The following DNAH14 variants were observed in gnomAD, a reference collection of about 807,000 sequenced individuals.
DNAH14 encodes dynein axonemal heavy chain 14.
A neutral mutation model predicts 520.9 loss-of-function variants in DNAH14; 478 were observed. The observed-to-expected ratio is 0.92, with a 90% CI of 0.85 to 0.99. The LOEUF (loss-of-function observed/expected upper bound fraction) is 0.99, where lower values mean the gene tolerates loss of function less well. Among genes scored for constraint, DNAH14 ranks in the 50% least tolerant of loss-of-function variants. The pLI is 0.00. For synonymous variants in DNAH14, 1,581 were observed against 1,757.2 expected (o/e 0.90, Z 2.51); for missense variants, 4,831 against 5,234.5 (o/e 0.92, Z 2.38).
At chr1:224,999,366 C>T (rs1281061589) in intron 8 of DNAH14, among the ~76,000 whole-genome samples, 4 of 151,952 alleles carry the variant, frequency 2.6e-5, no homozygotes, top group African/African-American at 9.7e-5. Flanking sequence ...ACCACCATGC[C>T]CGGCTAATTT....
intron 11 of DNAH14, among the ~76,000 whole-genome samples, chr1:225,025,977 G>A (rs2066084613): frequency 6.6e-6 from 1 of 151,816 alleles, no homozygotes; most frequent in Admixed American, 6.6e-5. Context: ...CAAACTCTTT[G>A]TTCATTTTTA....
intron 37 of DNAH14, among the ~76,000 whole-genome samples, chr1:225,191,478 G>T (rs2085431226): frequency 6.6e-6 from 1 of 151,898 alleles, no homozygotes; most frequent in Non-Finnish European, 1.5e-5. Flanking sequence ...CCTCTCTCCT[G>T]CTACTTTCAA....
intron 39 of DNAH14, among the ~76,000 whole-genome samples, chr1:225,204,479 T>A (rs564809234): frequency 3.9e-5 from 6 of 152,190 alleles, no homozygotes; most frequent in African/African-American, 1.4e-4. Flanking sequence ...AATTACATTA[T>A]ATAAGCACTA....
intron 23 of DNAH14, among the ~76,000 whole-genome samples, chr1:225,103,498 G>A (rs377672959): frequency 0.042 from 6,445 of 152,070 alleles, 400 homozygotes; most frequent in African/African-American, 0.14. Context: ...CCATTTTCAC[G>A]ATATTGATTC....
chr1:225,153,835 A>C lies in DNAH14; in HGVS notation c.5273+9A>C. The stretch of plus-strand genomic sequence containing the variant: ...AAACGGGAGTTTAAATGGTCAGTTG[A>C]ATTTTGAATTGTTAGGTCAAAGGGA... On this transcript the variant is annotated intron_variant, in intron 34 of 85. Coordinates refer to ENST00000682510, the MANE Select transcript of DNAH14 (RefSeq NM_001367479.1). The C allele has an allele frequency of 6.5e-7, 1 of 1,545,718 alleles. No individual in the cohort carries two copies. Among genetic ancestry groups the C allele is most frequent in the South Asian group, 1.2e-5 (1 of 83,498 alleles).
At chr1:225,387,597 A>G (rs1444545730) in intron 81 of DNAH14, among the ~76,000 whole-genome samples, 1 of 152,156 alleles carries the variant, frequency 6.6e-6, no homozygotes, top group Non-Finnish European at 1.5e-5. Flanking sequence ...CCTAAAAACA[A>G]GTAGTTGGAG....
chr1:224,931,751 C>T (rs1158502055), intron 1 of DNAH14, among the ~76,000 whole-genome samples: 1 of 152,102 alleles, frequency 6.6e-6, no homozygotes, highest in Non-Finnish European at 1.5e-5. Context: ...TAATAACTTC[C>T]AGTTCCATCT....
intron 41 of DNAH14, among the ~76,000 whole-genome samples, chr1:225,211,046 A>T (rs1018086584): frequency 2.0e-5 from 3 of 152,248 alleles, no homozygotes; most frequent in Non-Finnish European, 4.4e-5. Context: ...GAAGATGAGG[A>T]AAAACCAGCA....
At chr1:224,935,134 C>T (rs568169429) in intron 1 of DNAH14, among the ~76,000 whole-genome samples, 2 of 151,434 alleles carry the variant, frequency 1.3e-5, no homozygotes, top group Admixed American at 1.3e-4. Flanking sequence ...GATACCACTG[C>T]AGAAATTCAC....
intron 52 of DNAH14, among the ~76,000 whole-genome samples, chr1:225,273,486 A>T (rs2093371934): frequency 6.6e-6 from 1 of 152,272 alleles, no homozygotes. Context: ...TGGGCAAAAA[A>T]TGTTGTTTCA....
chr1:224,977,543 A>C (rs980811587), intron 8 of DNAH14, among the ~76,000 whole-genome samples: 2 of 152,160 alleles, frequency 1.3e-5, no homozygotes, highest in East Asian at 3.8e-4. Context: ...AAGAGGAGGG[A>C]AGGAAACTTT....
rs1353892810 is a variant in DNAH14, at chr1:225,337,331, C to G, written c.10146C>G (p.Ile3382Met). 1 of 1,551,678 alleles carries G rather than the reference C, an allele frequency of 6.4e-7. No homozygotes were observed. Among genetic ancestry groups the G allele is most frequent in the Admixed American group, 2.0e-5 (1 of 51,004 alleles). ...GQYSVENAILIKNGQQWPLLI... is the reference protein window; with the variant it reads ...GQYSVENAILMKNGQQWPLLI... ...ATTCAGTAGAGAATGCCATCTTGATCAAGAATGGCCAGCAGTGGCCACTGC... is the reference window on the plus strand; with the variant it reads ...ATTCAGTAGAGAATGCCATCTTGATGAAGAATGGCCAGCAGTGGCCACTGC... The change falls in exon 67 of 86, where the codon ATC becomes ATG. Residue 3382 changes from isoleucine (I) to methionine (M), a missense_variant. By Grantham distance (10) the Ile-to-Met change is conservative. Coordinates refer to ENST00000682510, the MANE Select transcript of DNAH14 (RefSeq NM_001367479.1).
At chr1:225,387,632 GT>G (rs1258424678) in intron 81 of DNAH14, among the ~76,000 whole-genome samples, 3 of 151,956 alleles carry the variant, frequency 2.0e-5, no homozygotes, top group African/African-American at 7.3e-5. Context: ...CCAGGATGGA[GT>G]CTAGTCACAG....
At chr1:225,259,481 G>A (rs1358786349) in intron 46 of DNAH14, among the ~76,000 whole-genome samples, 2 of 151,966 alleles carry the variant, frequency 1.3e-5, no homozygotes, top group Non-Finnish European at 2.9e-5. Flanking sequence ...GGTGTACAAT[G>A]TGATGCTTTG....
rs192476647 is a variant in DNAH14 at position 225,140,730 on chromosome 1, G to T, written c.4255-38G>T. 20,184 of 1,279,468 alleles carry T rather than the reference G, an allele frequency of 0.016. 1,151 individuals are homozygous for T. In the East Asian group the frequency reaches 0.17, roughly 11 times the overall value. The allele number at this position is 1,279,468 out of a possible 1,614,324, so 79.3% of individuals were successfully genotyped here. A position where few individuals can be genotyped will look rare whatever the true frequency, so the allele number is the denominator to read the frequency against. On this transcript the variant is annotated intron_variant, in intron 27 of 85. Transcript: ENST00000682510. The stretch of plus-strand genomic sequence containing the variant: ...TTTATGCTTCAATTATATATATATA[G>T]AGAGAGATATATATATAACATTATC...
At chr1:225,130,165 A>G (rs1234170179) in intron 27 of DNAH14, among the ~76,000 whole-genome samples, 1 of 152,200 alleles carries the variant, frequency 6.6e-6, no homozygotes, top group Non-Finnish European at 1.5e-5. Flanking sequence ...AAAGTCAGGA[A>G]ACAACAGGTG....
chr1:224,981,222 A>G (rs1259384541), intron 8 of DNAH14, among the ~76,000 whole-genome samples: 1 of 152,206 alleles, frequency 6.6e-6, no homozygotes, highest in Non-Finnish European at 1.5e-5. Context: ...ATCTCTGTTC[A>G]TCAAGGATAT....
chr1:225,360,842 T>A lies in DNAH14; in HGVS notation c.11938T>A (p.Cys3980Ser). 2 of 1,551,726 alleles carry A rather than the reference T, an allele frequency of 1.3e-6. No homozygotes were observed. The highest frequency in any genetic ancestry group is 1.7e-6 in the Non-Finnish European group (2 of 1,146,992). ...ACAACAATGGGTCTTCCTCCAGAAC[T>A]GCCATCTTGCAACATCATTTATGCC... Reference protein sequence around the residue: ...KTQQWVFLQNCHLATSFMPRL... With the variant: ...KTQQWVFLQNSHLATSFMPRL... Residue 3980 changes from cysteine (C) to serine (S), a missense_variant, in exon 75 of 86, where the codon TGC (cysteine) becomes AGC (serine). Transcript: ENST00000682510.
intron 73 of DNAH14, 109 bp from the exon 74 acceptor site, chr1:225,358,387 C>A: frequency 9.7e-7 from 1 of 1,030,182 alleles, no homozygotes; most frequent in Non-Finnish European, 1.4e-6. Context: ...AAAACTCTGG[C>A]TGAAAAGCTA....
Sources: allele counts gnomAD v4.1 joint callset (sites outside exome capture counted in the v4.1 genomes callset), GRCh38; gene constraint gnomAD v4.1.1; transcripts MANE v1.5; gene names NCBI Gene and HGNC (gene_info 2026-07-23, HGNC 2026-07-21).